The following SLC1A2 variants were observed in gnomAD, a reference collection of about 807,000 sequenced individuals.
SLC1A2 encodes solute carrier family 1 member 2.
In SLC1A2, 15 loss-of-function variants were observed where a neutral mutation model predicts 48.8. The observed-to-expected ratio is 0.31, with a 90% CI of 0.21 to 0.47. The LOEUF is 0.47. Ranked by LOEUF, SLC1A2 falls within the 20% of genes least tolerant of loss-of-function variation. The probability of loss-of-function intolerance (pLI) is 0.99; values close to 1 mark genes in which losing one functional copy is unlikely to be tolerated. For synonymous variants in SLC1A2, 279 were observed against 272.6 expected, an observed-to-expected ratio of 1.02 and a Z score of -0.23; for missense variants, 502 against 730.5, an observed-to-expected ratio of 0.69 and a Z score of 3.61.
chr11:35,333,604 T>G (rs1294807904), intron 1 of SLC1A2, among the ~76,000 whole-genome samples: 2 of 152,148 alleles, frequency 1.3e-5, no homozygotes, highest in Non-Finnish European at 2.9e-5. Flanking sequence ...AGTTGGAAAT[T>G]TATTCTAAAA....
chr11:35,384,740 T>C (rs780301539), intron 1 of SLC1A2, among the ~76,000 whole-genome samples: 3 of 152,246 alleles, frequency 2.0e-5, no homozygotes, highest in Non-Finnish European at 2.9e-5. Flanking sequence ...TGGCCACTTA[T>C]ATGCTTGTTC....
At chr11:35,387,159 G>A (rs535545679) in intron 1 of SLC1A2, among the ~76,000 whole-genome samples, 1 of 152,132 alleles carries the variant, frequency 6.6e-6, no homozygotes, top group Non-Finnish European at 1.5e-5. Flanking sequence ...CTTGATCCTG[G>A]TCAATCAATC....
chr11:35,277,962 C>T (rs180908747), intron 9 of SLC1A2, among the ~76,000 whole-genome samples: 3 of 152,306 alleles, frequency 2.0e-5, no homozygotes, highest in Non-Finnish European at 2.9e-5. Flanking sequence ...ATCCTTCTCA[C>T]CCATACACCA....
chr11:35,363,251 G>A (rs1164729610), intron 1 of SLC1A2, among the ~76,000 whole-genome samples: 2 of 152,168 alleles, frequency 1.3e-5, no homozygotes, highest in Non-Finnish European at 2.9e-5. Flanking sequence ...ACCATCTTTT[G>A]GGTGTTGTGT....
At chr11:35,357,346 T>C (rs2135112876) in intron 1 of SLC1A2, among the ~76,000 whole-genome samples, 1 of 152,030 alleles carries the variant, frequency 6.6e-6, no homozygotes, top group African/African-American at 2.4e-5. Context: ...TCTAAATCAA[T>C]GACTTAAATT....
Position 35,309,963 on chromosome 11 carries a change from C to T in SLC1A2, c.561+2235G>A, listed in dbSNP as rs189793647. Among the ~76,000 whole-genome samples the T allele has an allele frequency of 5.9e-5, 9 of 152,278 alleles. No homozygotes were observed. In the South Asian group the frequency reaches 1.0e-3, roughly 18 times the overall value. On this transcript the variant is annotated intron_variant, in intron 4 of 10. Coordinates refer to ENST00000278379, the MANE Select transcript of SLC1A2 (RefSeq NM_004171.4). The stretch of plus-strand genomic sequence containing the variant: ...AATAGAAAGTTGGGGTCAGGGCTGG[C>T]GTGGGGCAGGGAATGGCTCAGGTCT...
chr11:35,310,873 A>G (rs867568752), intron 4 of SLC1A2, among the ~76,000 whole-genome samples: 58 of 152,344 alleles, frequency 3.8e-4, no homozygotes, highest in African/African-American at 1.3e-3. Flanking sequence ...GCATGTATGC[A>G]GCAAGCAAGA....
intron 1 of SLC1A2, among the ~76,000 whole-genome samples, chr11:35,342,550 G>GTTGTTTGT (rs1555010589): frequency 2.0e-5 from 3 of 151,296 alleles, no homozygotes; most frequent in African/African-American, 7.3e-5. Context: ...TTTGTTGTTT[G>GTTGTTTGT]TTTTTTTTGC....
intron 1 of SLC1A2, among the ~76,000 whole-genome samples, chr11:35,388,950 G>C (rs1854671175): frequency 6.6e-6 from 1 of 152,162 alleles, no homozygotes; most frequent in Non-Finnish European, 1.5e-5. Context: ...CTCCAAAAGG[G>C]GCTGGGAGTG....
At chr11:35,368,961 G>A (rs547488827) in intron 1 of SLC1A2, among the ~76,000 whole-genome samples, 8 of 152,274 alleles carry the variant, frequency 5.3e-5, no homozygotes, top group Non-Finnish European at 1.0e-4. Flanking sequence ...TGCCATTCCT[G>A]TACCTTTCTA....
In SLC1A2 at chr11:35,253,279, A is replaced by G. The variant is rs1395151877; in HGVS notation, c.*7615T>C. 2.0e-5 allele frequency: 3 copies of G among 152,504 alleles called. No homozygotes were observed. Among genetic ancestry groups the G allele is most frequent in the Non-Finnish European group, 2.9e-5 (2 of 68,032 alleles). 9.4% of individuals were successfully genotyped at this position (152,504 alleles called of 1,614,324 possible). ...AAATTTTTTGTAAACTTTCTTTAAA[A>G]ATATGTGCTCAATTCACATAACAAT... On this transcript the variant is annotated 3_prime_UTR_variant, in exon 11 of 11. Transcript: ENST00000278379.
At chr11:35,281,136 G>T in intron 8 of SLC1A2, 135 bp from the exon 9 acceptor site, 1 of 1,241,738 alleles carries the variant, frequency 8.1e-7, no homozygotes, top group South Asian at 1.8e-5. Flanking sequence ...CTCCACCAAG[G>T]AATAGAGAAA....
intron 1 of SLC1A2, chr11:35,322,678 C>A: frequency 6.6e-7 from 1 of 1,515,216 alleles, no homozygotes; most frequent in Non-Finnish European, 8.9e-7. Context: ...CACTAGGTCA[C>A]CCTAGAATCA....
intron 1 of SLC1A2, among the ~76,000 whole-genome samples, chr11:35,394,001 C>T (rs75476184): frequency 0.011 from 1,645 of 152,250 alleles, 51 homozygotes; most frequent in East Asian, 0.092. Flanking sequence ...CAGTCCCCTC[C>T]TAAAGGAAAA....
intron 1 of SLC1A2, among the ~76,000 whole-genome samples, chr11:35,324,901 C>T (rs927202087): frequency 3.9e-5 from 6 of 152,076 alleles, no homozygotes; most frequent in Non-Finnish European, 7.4e-5. Context: ...CTCCAGGGCC[C>T]AATGAGAGAC....
At chr11:35,324,181 G>A (rs535738953) in intron 1 of SLC1A2, among the ~76,000 whole-genome samples, 1 of 152,368 alleles carries the variant, frequency 6.6e-6, no homozygotes, top group South Asian at 2.1e-4. Flanking sequence ...TACAGCCAGT[G>A]GAGCCTTCAG....
intron 1 of SLC1A2, among the ~76,000 whole-genome samples, chr11:35,387,817 CAA>C (rs67984867): frequency 2.7e-5 from 4 of 149,432 alleles, no homozygotes; most frequent in Non-Finnish European, 6.0e-5. Context: ...GAGGAAGTGA[CAA>C]AAAAAAACAA....
chr11:35,262,790 C>T (rs1436853677), intron 10 of SLC1A2, among the ~76,000 whole-genome samples: 2 of 152,176 alleles, frequency 1.3e-5, no homozygotes, highest in African/African-American at 4.8e-5. Context: ...AAAATGTAAA[C>T]AACTGAAATA....
chr11:35,338,727 C>T (rs565431115), intron 1 of SLC1A2, among the ~76,000 whole-genome samples: 5 of 152,296 alleles, frequency 3.3e-5, no homozygotes, highest in South Asian at 2.1e-4. Context: ...TATCTCTAGA[C>T]TCTTTGGTTA....
Sources: allele counts gnomAD v4.1 joint callset (sites outside exome capture counted in the v4.1 genomes callset), GRCh38; gene constraint gnomAD v4.1.1; transcripts MANE v1.5; gene names NCBI Gene and HGNC (gene_info 2026-07-23, HGNC 2026-07-21).